SLC30A4: variants seen among roughly 807,000 people sequenced by gnomAD.
The protein encoded by SLC30A4 is solute carrier family 30 member 4.
In SLC30A4, 20 loss-of-function variants were observed where a neutral mutation model predicts 41.7. That is an observed-to-expected ratio of 0.48 (90% CI 0.34 to 0.70). The LOEUF (loss-of-function observed/expected upper bound fraction) is 0.70, where lower values mean the gene tolerates loss of function less well. Ranked by LOEUF, SLC30A4 falls within the 30% of genes least tolerant of loss-of-function variation. The pLI, the probability that SLC30A4 is intolerant of heterozygous loss-of-function variation, is 0.01. For missense variants in SLC30A4, 441 were observed against 529.3 expected (o/e 0.83, Z 1.64); for synonymous variants, 181 against 195.9 (o/e 0.92, Z 0.64).
At chr15:45,517,985 T>C (rs1261998605) in intron 2 of SLC30A4, among the ~76,000 whole-genome samples, 5 of 152,152 alleles carry the variant, frequency 3.3e-5, no homozygotes, top group African/African-American at 1.2e-4. Flanking sequence ...AAAACCCTTA[T>C]CTGGCTTTCC....
At chr15:45,511,014 T>A (rs1178631395) in intron 3 of SLC30A4, 124 bp downstream of exon 3, 2 of 732,330 alleles carry the variant, frequency 2.7e-6, no homozygotes, top group Non-Finnish European at 4.5e-6. Flanking sequence ...AAATTTTGTT[T>A]ATCTATTTTC....
chr15:45,509,996 T>C (rs1042006694), intron 3 of SLC30A4, among the ~76,000 whole-genome samples: 1 of 152,052 alleles, frequency 6.6e-6, no homozygotes, highest in Non-Finnish European at 1.5e-5. Flanking sequence ...CACTTGAGCC[T>C]GGAAGGTGGA....
intron 3 of SLC30A4, among the ~76,000 whole-genome samples, chr15:45,494,011 A>G (rs1891860674): frequency 6.6e-6 from 1 of 152,202 alleles, no homozygotes; most frequent in Non-Finnish European, 1.5e-5. Context: ...AAAAAGAGAA[A>G]AGACCAAATG....
At chr15:45,500,040 G>T (rs768918050) in intron 3 of SLC30A4, among the ~76,000 whole-genome samples, 1 of 152,128 alleles carries the variant, frequency 6.6e-6, no homozygotes, top group Non-Finnish European at 1.5e-5. Context: ...AAAGACTTAT[G>T]AGTTTAAAGA....
intron 2 of SLC30A4, among the ~76,000 whole-genome samples, chr15:45,516,510 CTA>C (rs987663741): frequency 6.6e-5 from 10 of 152,120 alleles, no homozygotes; most frequent in African/African-American, 2.4e-4. Context: ...ATTTTTGTTG[CTA>C]TCTTTTCCTC....
chr15:45,487,911 AGTGTGTGTGTGTGTGTGT>A (rs145350286), intron 5 of SLC30A4, among the ~76,000 whole-genome samples: 25 of 137,600 alleles, frequency 1.8e-4, no homozygotes, highest in Admixed American at 1.5e-3. Flanking sequence ...GAAAGAAGTA[AGTGTGTGTGTGTGTGTGT>A]GTGTGTGTGT....
At chr15:45,514,280 G>C (rs1287285859) in intron 2 of SLC30A4, among the ~76,000 whole-genome samples, 1 of 150,504 alleles carries the variant, frequency 6.6e-6, no homozygotes, top group Non-Finnish European at 1.5e-5. Context: ...GGAGGCGGAG[G>C]TTACGGGGAG....
chr15:45,519,401 A>G (rs1365585730), intron 2 of SLC30A4: 1 of 146,332 alleles, frequency 6.8e-6, no homozygotes, highest in Non-Finnish European at 1.5e-5. Context: ...ACGCCTGGCT[A>G]ATTTTTTTGT....
At position 45,486,752 on chromosome 15, in the gene SLC30A4, G is replaced by T; in HGVS notation, c.1001-7C>A. 1.4e-6 allele frequency: 2 copies of T among 1,427,856 alleles called. No homozygotes were observed. Among genetic ancestry groups the T allele is most frequent in the Non-Finnish European group, 1.9e-6 (2 of 1,069,094 alleles). 88.4% of individuals were successfully genotyped at this position (1,427,856 alleles called of 1,614,324 possible). The stretch of plus-strand genomic sequence containing the variant: ...TTCAAATGGCTTGGCACACCTATTA[G>T]GAATATATAATTTCTAAGTAAAATT... On this transcript the variant is annotated splice_region_variant and splice_polypyrimidine_tract_variant and intron_variant, in intron 6 of 7. Coordinates refer to ENST00000261867, the MANE Select transcript of SLC30A4 (RefSeq NM_013309.6).
At chr15:45,509,649 G>T (rs959852019) in intron 3 of SLC30A4, among the ~76,000 whole-genome samples, 1 of 152,122 alleles carries the variant, frequency 6.6e-6, no homozygotes, top group African/African-American at 2.4e-5. Context: ...AGTACGGAGG[G>T]GTGGGGATGC....
At chr15:45,485,689 T>A (rs1445530385) in intron 7 of SLC30A4, among the ~76,000 whole-genome samples, 1 of 152,042 alleles carries the variant, frequency 6.6e-6, no homozygotes, top group East Asian at 1.9e-4. Context: ...GCTTTTCCTA[T>A]GTAGAAAAGA....
At chr15:45,514,363 A>T (rs1320220803) in intron 2 of SLC30A4, among the ~76,000 whole-genome samples, 4 of 105,470 alleles carry the variant, frequency 3.8e-5, no homozygotes, top group African/African-American at 2.4e-4. Flanking sequence ...CTCTGTCTCA[A>T]AAAAAAAAAA....
intron 3 of SLC30A4, among the ~76,000 whole-genome samples, chr15:45,495,047 G>A (rs1346825498): frequency 6.6e-6 from 1 of 152,002 alleles, no homozygotes; most frequent in Admixed American, 6.6e-5. Flanking sequence ...CAGCTACTTG[G>A]GAGGTTGAGG....
chr15:45,500,614 GTCTA>G (rs10593774), intron 3 of SLC30A4, among the ~76,000 whole-genome samples: 54,846 of 149,410 alleles, frequency 0.37, 10,256 homozygotes, highest in Middle Eastern at 0.45. Flanking sequence ...TTAAGGGTCT[GTCTA>G]TCTATCTATC....
At chr15:45,485,989 G>C (rs1055726944) in intron 7 of SLC30A4, among the ~76,000 whole-genome samples, 2 of 151,892 alleles carry the variant, frequency 1.3e-5, no homozygotes, top group African/African-American at 4.8e-5. Flanking sequence ...AAAGTGTTGG[G>C]ATTACAGGCG....
At chr15:45,503,140 C>T (rs764007130) in intron 3 of SLC30A4, among the ~76,000 whole-genome samples, 3 of 151,772 alleles carry the variant, frequency 2.0e-5, no homozygotes, top group Non-Finnish European at 4.4e-5. Context: ...AAATTAGATA[C>T]ATGTATCAGC....
In SLC30A4 at chr15:45,485,158, T is replaced by C. The variant is rs1486175085; in HGVS notation, c.*5A>G. The C allele has an allele frequency of 1.9e-6, 3 of 1,607,638 alleles. No homozygotes were observed. The highest frequency in any genetic ancestry group is 2.2e-5 in the South Asian group (2 of 89,538). Reference sequence around the variant, plus strand: ...ATAAGGCAGGAGTTCCCAAAATACATAAAATTAGGGACTAGAACTCTGACA... The same window carrying C: ...ATAAGGCAGGAGTTCCCAAAATACACAAAATTAGGGACTAGAACTCTGACA... On this transcript the variant is annotated 3_prime_UTR_variant, in exon 8 of 8. Coordinates refer to ENST00000261867, the MANE Select transcript of SLC30A4 (RefSeq NM_013309.6).
At chr15:45,502,042 G>A (rs561896301) in intron 3 of SLC30A4, 6 of 151,594 alleles carry the variant, frequency 4.0e-5, no homozygotes, top group African/African-American at 1.5e-4. Context: ...AATCAAACAC[G>A]GGTGATTTCA....
chr15:45,504,441 G>A (rs189774131), intron 3 of SLC30A4, among the ~76,000 whole-genome samples: 68 of 152,238 alleles, frequency 4.5e-4, no homozygotes, highest in Middle Eastern at 6.8e-3. Flanking sequence ...TGGGCTCATC[G>A]TATTTCTGTT....
Sources: gnomAD v4.1 joint callset for allele counts (sites outside exome capture counted in the v4.1 genomes callset) on GRCh38, gnomAD v4.1.1 for gene constraint, MANE v1.5 for transcripts, NCBI Gene and HGNC (gene_info 2026-07-23, HGNC 2026-07-21) for gene names.